The following ROBO2 variants were observed in gnomAD, a reference collection of about 807,000 sequenced individuals.
The protein encoded by ROBO2 is roundabout guidance receptor 2.
ROBO2 carries 53 observed loss-of-function variants against 160.8 expected under a neutral mutation model. The ratio of observed to expected loss-of-function variants is 0.33; its 90% CI spans 0.26 to 0.41. ROBO2 has a LOEUF of 0.41. Among genes scored for constraint, ROBO2 ranks in the 10% least tolerant of loss-of-function variants. The probability of loss-of-function intolerance (pLI) is 1.00; values close to 1 mark genes in which losing one functional copy is unlikely to be tolerated. For missense variants in ROBO2, 1,577 were observed against 1,722.4 expected (o/e 0.92, Z 1.49); for synonymous variants, 664 against 611.7 (o/e 1.09, Z -1.26).
At chr3:77,643,498 C>CT (rs1212890659) in intron 24 of ROBO2, among the ~76,000 whole-genome samples, 2 of 152,102 alleles carry the variant, frequency 1.3e-5, no homozygotes, top group Admixed American at 1.3e-4. Flanking sequence ...GGGAAATGCT[C>CT]TTTTTTATAA....
chr3:77,553,658 A>G (rs1916696), intron 8 of ROBO2, among the ~76,000 whole-genome samples: 5,827 of 152,056 alleles, frequency 0.038, 132 homozygotes, highest in African/African-American at 0.06. Flanking sequence ...TGATATGAAG[A>G]AAGTTTTAGA....
chr3:76,987,091 A>G (rs931033897), intron 2 of ROBO2, among the ~76,000 whole-genome samples: 4 of 152,234 alleles, frequency 2.6e-5, no homozygotes, highest in African/African-American at 9.6e-5. Flanking sequence ...AGCAGGCGCT[A>G]ATCTCTGTCG....
chr3:77,479,246 A>G (rs34035275), intron 3 of ROBO2, among the ~76,000 whole-genome samples: 2 of 152,224 alleles, frequency 1.3e-5, no homozygotes, highest in Admixed American at 1.3e-4. Context: ...GTCTCAGATA[A>G]CAACCCCAAG....
At chr3:77,029,950 C>CTTTTTTTTTTTT (rs965579096) in intron 2 of ROBO2, among the ~76,000 whole-genome samples, 4 of 144,744 alleles carry the variant, frequency 2.8e-5, no homozygotes, top group South Asian at 2.2e-4. Context: ...CCATTCAGTT[C>CTTTTTTTTTTTT]TTTTTTTTTT....
At chr3:76,458,460 C>G (rs1417205361) in intron 2 of ROBO2, among the ~76,000 whole-genome samples, 1 of 152,140 alleles carries the variant, frequency 6.6e-6, no homozygotes, top group East Asian at 1.9e-4. Flanking sequence ...CAAAGCCATT[C>G]AACATGTCTC....
At chr3:76,361,335 C>T (rs1052467121) in intron 2 of ROBO2, among the ~76,000 whole-genome samples, 3 of 152,060 alleles carry the variant, frequency 2.0e-5, no homozygotes, top group African/African-American at 7.2e-5. Flanking sequence ...TGATATTTAG[C>T]ACAATTTCAG....
At chr3:76,946,398 C>T (rs2078543644) in intron 2 of ROBO2, among the ~76,000 whole-genome samples, 2 of 151,490 alleles carry the variant, frequency 1.3e-5, no homozygotes, top group Non-Finnish European at 2.9e-5. Context: ...CCCAGATTCT[C>T]TCTCTAACTC....
At chr3:77,018,259 T>A (rs987770291) in intron 2 of ROBO2, among the ~76,000 whole-genome samples, 2 of 152,032 alleles carry the variant, frequency 1.3e-5, no homozygotes, top group African/African-American at 2.4e-5. Flanking sequence ...CACTTTTGTA[T>A]TTTTTGGTAG....
intron 2 of ROBO2, among the ~76,000 whole-genome samples, chr3:76,553,607 A>G (rs1194565029): frequency 6.6e-6 from 1 of 152,198 alleles, no homozygotes; most frequent in Non-Finnish European, 1.5e-5. Flanking sequence ...AAAATCATTC[A>G]TCACTATGGA....
At chr3:76,881,772 A>G (rs899399421) in intron 2 of ROBO2, among the ~76,000 whole-genome samples, 1 of 152,234 alleles carries the variant, frequency 6.6e-6, no homozygotes, top group African/African-American at 2.4e-5. Context: ...TGGCATCTAA[A>G]TGGGGCCCTG....
intron 2 of ROBO2, among the ~76,000 whole-genome samples, chr3:76,728,393 C>A (rs1453213568): frequency 1.3e-5 from 2 of 152,200 alleles, no homozygotes; most frequent in Admixed American, 6.5e-5. Context: ...GAAAATTGAC[C>A]TATTTCTTTT....
chr3:76,522,800 C>G (rs976556349), intron 2 of ROBO2, among the ~76,000 whole-genome samples: 1 of 151,910 alleles, frequency 6.6e-6, no homozygotes, highest in Non-Finnish European at 1.5e-5. Flanking sequence ...TGCCCTAAAT[C>G]TCTGCCTCCA....
intron 2 of ROBO2, among the ~76,000 whole-genome samples, chr3:76,903,130 G>GA (rs1256781911): frequency 1.3e-5 from 2 of 152,020 alleles, no homozygotes; most frequent in African/African-American, 2.4e-5. Flanking sequence ...ACCTTATGTA[G>GA]AAAAAATGAC....
At chr3:77,490,768 A>C (rs2153598693) in intron 4 of ROBO2, among the ~76,000 whole-genome samples, 1 of 152,234 alleles carries the variant, frequency 6.6e-6, no homozygotes, top group African/African-American at 2.4e-5. Context: ...TGAAAAGTTG[A>C]GACATTTCCT....
intron 2 of ROBO2, among the ~76,000 whole-genome samples, chr3:77,446,792 G>A (rs1227912681): frequency 2.0e-5 from 3 of 151,894 alleles, no homozygotes; most frequent in Non-Finnish European, 4.4e-5. Context: ...TATAGTGGTG[G>A]AAAGAACAGA....
intron 2 of ROBO2, among the ~76,000 whole-genome samples, chr3:76,467,542 C>T (rs1208461251): frequency 1.3e-5 from 2 of 152,042 alleles, no homozygotes; most frequent in Admixed American, 6.6e-5. Context: ...GTGGAAAGAC[C>T]ATTAGAAGTC....
chr3:76,113,155 A>G (rs1216543196), intron 2 of ROBO2, among the ~76,000 whole-genome samples: 1 of 152,138 alleles, frequency 6.6e-6, no homozygotes, highest in Non-Finnish European at 1.5e-5. Flanking sequence ...TATTCTTGAT[A>G]CAAAAACAAC....
At chr3:76,671,988 C>T (rs989586399) in intron 2 of ROBO2, among the ~76,000 whole-genome samples, 2 of 151,760 alleles carry the variant, frequency 1.3e-5, no homozygotes, top group Non-Finnish European at 2.9e-5. Flanking sequence ...TGGTTTCTGC[C>T]CTCAAGGAGT....
chr3:76,644,455 G>A (rs1315726442), intron 2 of ROBO2, among the ~76,000 whole-genome samples: 1 of 152,076 alleles, frequency 6.6e-6, no homozygotes, highest in African/African-American at 2.4e-5. Context: ...TCTTGCGCTG[G>A]GCCCTCTGGG....
Sources: gnomAD v4.1 joint callset for allele counts (sites outside exome capture counted in the v4.1 genomes callset) on GRCh38, gnomAD v4.1.1 for gene constraint, MANE v1.5 for transcripts, NCBI Gene and HGNC (gene_info 2026-07-23, HGNC 2026-07-21) for gene names.